The following PCSK2 variants were observed in gnomAD, a reference collection of about 807,000 sequenced individuals.
PCSK2 encodes proprotein convertase subtilisin/kexin type 2.
A neutral mutation model predicts 69.7 loss-of-function variants in PCSK2; 14 were observed. The observed-to-expected ratio is 0.20, with a 90% confidence interval of 0.13 to 0.31. PCSK2 has a LOEUF of 0.31. Among genes scored for constraint, PCSK2 ranks in the 10% least tolerant of loss-of-function variants. The pLI is 1.00. For missense variants in PCSK2, 544 were observed against 842.5 expected (o/e 0.65, Z 4.39); for synonymous variants, 307 against 320.7 (o/e 0.96, Z 0.46).
At chr20:17,354,348 C>A (rs2030121486) in intron 2 of PCSK2, among the ~76,000 whole-genome samples, 1 of 152,086 alleles carries the variant, frequency 6.6e-6, no homozygotes, top group Admixed American at 6.5e-5. Flanking sequence ...AAGTTGTATG[C>A]ATGTTATTCG....
At chr20:17,325,947 C>T (rs1990037726) in intron 2 of PCSK2, among the ~76,000 whole-genome samples, 1 of 152,266 alleles carries the variant, frequency 6.6e-6, no homozygotes, top group African/African-American at 2.4e-5. Context: ...TTTCTCAAGC[C>T]ACCAGGGGCC....
At position 17,429,657 on chromosome 20, in the gene PCSK2, T is replaced by G. The variant is rs181049252; in HGVS notation, c.709+134T>G. 5.5e-5 allele frequency: 32 copies of G among 578,244 alleles called. 1 individual carries two copies. The highest frequency in any genetic ancestry group is 5.5e-4 in the African/African-American group (29 of 53,048). 35.8% of individuals were successfully genotyped at this position (578,244 alleles called of 1,614,324 possible). On this transcript the variant is annotated intron_variant, in intron 7 of 11. Coordinates refer to ENST00000262545, the MANE Select transcript of PCSK2 (RefSeq NM_002594.5). ...GATTTGGCACAAGTGAAAAAAATTTTTTTCTTTTAACCTGCATAACAATAT... is the reference window on the plus strand; with the variant it reads ...GATTTGGCACAAGTGAAAAAAATTTGTTTCTTTTAACCTGCATAACAATAT...
At chr20:17,348,628 G>A (rs541216812) in intron 2 of PCSK2, among the ~76,000 whole-genome samples, 1 of 152,258 alleles carries the variant, frequency 6.6e-6, no homozygotes, top group Admixed American at 6.5e-5. Flanking sequence ...ATGTATGGAG[G>A]TAAAAGTCTC....
At chr20:17,393,488 A>T (rs1486258790) in intron 5 of PCSK2, among the ~76,000 whole-genome samples, 2 of 152,228 alleles carry the variant, frequency 1.3e-5, no homozygotes, top group African/African-American at 2.4e-5. Context: ...TATCATAATT[A>T]CATAATCCCT....
intron 2 of PCSK2, among the ~76,000 whole-genome samples, chr20:17,341,994 G>A (rs1990523225): frequency 6.6e-6 from 1 of 152,220 alleles, no homozygotes; most frequent in Non-Finnish European, 1.5e-5. Context: ...AAAACTGTAA[G>A]TTTAGCCTGG....
At position 17,235,412 on chromosome 20, in the gene PCSK2, A is replaced by G. The variant is rs190659845; in HGVS notation, c.177+7930A>G. Among the ~76,000 whole-genome samples the G allele has an allele frequency of 5.9e-5, 9 of 152,252 alleles. No homozygotes were observed. The East Asian group carries it at 1.5e-3, about 26-fold the overall frequency. ...TGACATTAACTTCCATAAATATCCA[A>G]TTGTTCTCCTAGTTTTTCCTAAATA... is the stretch of plus-strand genomic sequence containing the variant. On this transcript the variant is annotated intron_variant, in intron 1 of 11. Transcript: ENST00000262545.
At chr20:17,300,419 C>T (rs1259208900) in intron 2 of PCSK2, among the ~76,000 whole-genome samples, 1 of 152,200 alleles carries the variant, frequency 6.6e-6, no homozygotes, top group Non-Finnish European at 1.5e-5. Context: ...TGCCCATTCC[C>T]CAGAGGTCCT....
At chr20:17,283,059 T>C (rs1356450564) in intron 2 of PCSK2, among the ~76,000 whole-genome samples, 1 of 152,192 alleles carries the variant, frequency 6.6e-6, no homozygotes, top group Non-Finnish European at 1.5e-5. Context: ...CCATTTGCCA[T>C]GAACACCTTT....
At chr20:17,395,046 A>T (rs1412545196) in intron 5 of PCSK2, among the ~76,000 whole-genome samples, 1 of 151,996 alleles carries the variant, frequency 6.6e-6, no homozygotes, top group Non-Finnish European at 1.5e-5. Context: ...AAGAGAACCG[A>T]TCTACTTAAC....
At chr20:17,438,843 C>G (rs1371981398) in intron 8 of PCSK2, among the ~76,000 whole-genome samples, 1 of 152,238 alleles carries the variant, frequency 6.6e-6, no homozygotes, top group Non-Finnish European at 1.5e-5. Flanking sequence ...TGGTCCAGAG[C>G]CCCCTGTGGG....
At chr20:17,399,759 G>A (rs1190973402) in intron 5 of PCSK2, among the ~76,000 whole-genome samples, 1 of 152,160 alleles carries the variant, frequency 6.6e-6, no homozygotes, top group African/African-American at 2.4e-5. Flanking sequence ...TTGTCAAGCT[G>A]TACTCAGAAA....
At chr20:17,424,699 G>A (rs1388313192) in intron 6 of PCSK2, among the ~76,000 whole-genome samples, 1 of 152,114 alleles carries the variant, frequency 6.6e-6, no homozygotes, top group Non-Finnish European at 1.5e-5. Flanking sequence ...CACCATGTTG[G>A]TCAGGCTGGT....
intron 7 of PCSK2, among the ~76,000 whole-genome samples, chr20:17,430,311 C>G (rs898880702): frequency 7.9e-5 from 12 of 152,166 alleles, no homozygotes; most frequent in Non-Finnish European, 1.5e-4. Flanking sequence ...CAGTCTTTTT[C>G]CAAGTTTTGC....
At chr20:17,256,690 G>A (rs1310481929) in intron 1 of PCSK2, among the ~76,000 whole-genome samples, 1 of 151,248 alleles carries the variant, frequency 6.6e-6, no homozygotes, top group Admixed American at 6.6e-5. Flanking sequence ...TTCTTACATA[G>A]GTATATACGT....
chr20:17,376,080 C>T (rs541857998), intron 5 of PCSK2, among the ~76,000 whole-genome samples: 3 of 152,308 alleles, frequency 2.0e-5, no homozygotes, highest in Admixed American at 1.3e-4. Context: ...AAGGGCATTC[C>T]CAGGCTCTCC....
intron 7 of PCSK2, among the ~76,000 whole-genome samples, chr20:17,435,004 A>G (rs946289271): frequency 1.5e-4 from 23 of 152,218 alleles, no homozygotes; most frequent in African/African-American, 5.5e-4. Flanking sequence ...ATGAACCATA[A>G]AATTTAACAT....
At chr20:17,292,555 T>C (rs1371754096) in intron 2 of PCSK2, among the ~76,000 whole-genome samples, 1 of 152,244 alleles carries the variant, frequency 6.6e-6, no homozygotes, top group African/African-American at 2.4e-5. Flanking sequence ...GAATTTATTA[T>C]ATACAAATGG....
chr20:17,365,883 C>T (rs911224304), intron 4 of PCSK2, among the ~76,000 whole-genome samples: 17 of 152,162 alleles, frequency 1.1e-4, no homozygotes, highest in East Asian at 5.8e-4. Flanking sequence ...TCCTAATGAC[C>T]GCTCCCCCAT....
intron 6 of PCSK2, among the ~76,000 whole-genome samples, chr20:17,409,677 C>T (rs1301168637): frequency 1.3e-5 from 2 of 152,144 alleles, no homozygotes; most frequent in African/African-American, 4.8e-5. Flanking sequence ...TTGAAACTGT[C>T]GTAGAGAAGT....
Sources: allele counts gnomAD v4.1 joint callset (sites outside exome capture counted in the v4.1 genomes callset), GRCh38; gene constraint gnomAD v4.1.1; transcripts MANE v1.5; gene names NCBI Gene and HGNC (gene_info 2026-07-23, HGNC 2026-07-21).